Variants in INPP5B observed in about 807,000 individuals in gnomAD.
INPP5B encodes inositol polyphosphate-5-phosphatase B, also known as type II inositol 1,4,5-trisphosphate 5-phosphatase.
Under a neutral mutation model 118.5 loss-of-function variants are expected in INPP5B, and 90 were observed. The observed-to-expected ratio is 0.76, with a 90% confidence interval of 0.64 to 0.90. INPP5B has a LOEUF of 0.90. INPP5B is among the 40% of genes least tolerant of loss of function. INPP5B has a pLI of 0.00. For synonymous variants in INPP5B, 385 were observed against 418.9 expected (o/e 0.92, Z 0.99); for missense variants, 984 against 1,125.6 (o/e 0.87, Z 1.80).
Position 37,873,278 on chromosome 1 carries a change from G to T in INPP5B, c.1952-113C>A, listed in dbSNP as rs1046495212. On this transcript the variant is annotated intron_variant, in intron 18 of 23. Transcript: ENST00000373024. ...AAGGGTTAGGAAAAGGAAAGAAAAG[G>T]TATCAGCCAACCAACAAGCATCCAA... 15 of 734,710 alleles carry T rather than the reference G, an allele frequency of 2.0e-5. No homozygotes were observed. In the South Asian group the frequency reaches 2.3e-4, roughly 12 times the overall value. The allele number at this position is 734,710 out of a possible 1,614,324, so 45.5% of individuals were successfully genotyped here.
At chr1:37,883,026 G>A in intron 13 of INPP5B, 108 bp from the exon 14 acceptor site, 1 of 1,482,916 alleles carries the variant, frequency 6.7e-7, no homozygotes, top group East Asian at 2.4e-5. Flanking sequence ...TGGGAGGTGG[G>A]TGGGAAAATG....
intron 6 of INPP5B, among the ~76,000 whole-genome samples, chr1:37,934,127 T>C (rs1645599024): frequency 6.6e-6 from 1 of 151,672 alleles, no homozygotes; most frequent in African/African-American, 2.4e-5. Flanking sequence ...AGAGGCGAGG[T>C]TTCACCATAT....
chr1:37,889,215 C>A (rs1643703854), intron 9 of INPP5B, among the ~76,000 whole-genome samples: 2 of 152,124 alleles, frequency 1.3e-5, no homozygotes, highest in South Asian at 2.1e-4. Context: ...CCAGCCTGGG[C>A]AACAAAGCGA....
intron 20 of INPP5B, among the ~76,000 whole-genome samples, chr1:37,868,281 C>A (rs1642172880): frequency 6.7e-6 from 1 of 149,438 alleles, no homozygotes; most frequent in Admixed American, 6.7e-5. Flanking sequence ...CCATTGCACT[C>A]CAGCCTGGGC....
chr1:37,933,161 C>A (rs1454509586), intron 6 of INPP5B, among the ~76,000 whole-genome samples: 1 of 152,194 alleles, frequency 6.6e-6, no homozygotes, highest in Non-Finnish European at 1.5e-5. Context: ...TACTATTAAC[C>A]CATACTTGGC....
intron 7 of INPP5B, among the ~76,000 whole-genome samples, chr1:37,894,544 CTA>C (rs916200314): frequency 2.7e-5 from 4 of 150,386 alleles, no homozygotes; most frequent in Non-Finnish European, 5.9e-5. Context: ...CCCCATGCGT[CTA>C]TGTTTTTCTT....
intron 19 of INPP5B, 54 bp downstream of exon 19, chr1:37,872,876 G>T: frequency 1.5e-6 from 2 of 1,361,560 alleles, no homozygotes; most frequent in South Asian, 1.2e-5. Context: ...TATCTTGTTT[G>T]ACTGGCTTGT....
At chr1:37,936,665 A>G (rs1208317955) in intron 6 of INPP5B, among the ~76,000 whole-genome samples, 1 of 151,778 alleles carries the variant, frequency 6.6e-6, no homozygotes, top group Non-Finnish European at 1.5e-5. Flanking sequence ...AGAGGGTGCC[A>G]TGAGCTAAGG....
intron 7 of INPP5B, chr1:37,929,413 CA>C (rs965391688): frequency 6.6e-6 from 1 of 152,132 alleles, no homozygotes; most frequent in African/African-American, 2.4e-5. Flanking sequence ...TCATCGTGCC[CA>C]GCCAGAAACA....
intron 7 of INPP5B, among the ~76,000 whole-genome samples, chr1:37,927,846 T>C (rs1010110511): frequency 9.9e-5 from 15 of 152,192 alleles, no homozygotes; most frequent in Admixed American, 9.8e-4. Context: ...CTCATTTTTC[T>C]ACTATAATCT....
In INPP5B at chr1:37,907,126, C is replaced by A. The variant is rs11485999; in HGVS notation, c.533-15672G>T. ...CAACAGTTGCCCAGTTCATGAAAAG[C>A]CTTCTAATTTAGTTTATTTGGAATA... On this transcript the variant is annotated intron_variant, in intron 7 of 23. Transcript: ENST00000373024. This position sits in a 1 kb window ranked among gnomAD's most constrained non-coding sequence, Gnocchi z 4.3. Among the ~76,000 whole-genome samples the A allele has an allele frequency of 0.32, 49,204 of 152,054 alleles. 8,985 individuals carry two copies. The highest frequency in any genetic ancestry group is 0.41 in the Non-Finnish European group (27,960 of 67,972).
At chr1:37,941,824 G>A (rs1186149707) in intron 5 of INPP5B, among the ~76,000 whole-genome samples, 1 of 136,762 alleles carries the variant, frequency 7.3e-6, no homozygotes, top group Non-Finnish European at 1.6e-5. Flanking sequence ...TGTAGTCCCA[G>A]CTACTCGGGA....
intron 23 of INPP5B, among the ~76,000 whole-genome samples, chr1:37,863,011 C>T (rs1475443322): frequency 1.3e-5 from 2 of 152,170 alleles, no homozygotes; most frequent in African/African-American, 4.8e-5. Context: ...CTCCCCCAAC[C>T]ACCCCGTGTC....
At chr1:37,864,562 A>C (rs1033226482) in intron 22 of INPP5B, 139 bp from the exon 23 acceptor site, 19 of 556,094 alleles carry the variant, frequency 3.4e-5, no homozygotes. Context: ...ACCACTTGGC[A>C]TAAGTATCAA....
chr1:37,931,729 T>C, intron 7 of INPP5B, 184 bp downstream of exon 7: 1 of 1,570,886 alleles, frequency 6.4e-7, no homozygotes, highest in Non-Finnish European at 8.6e-7. Context: ...GCCTGCTTCC[T>C]CAAGCTCCTC....
At chr1:37,863,697 ACACACACACATG>A (rs1641846963) in intron 23 of INPP5B, among the ~76,000 whole-genome samples, 1 of 151,648 alleles carries the variant, frequency 6.6e-6, no homozygotes, top group Admixed American at 6.6e-5. Context: ...AAGCACACAC[ACACACACACATG>A]CACACACAAA....
At chr1:37,885,597 G>A in intron 13 of INPP5B, 41 bp downstream of exon 13, 4 of 1,571,158 alleles carry the variant, frequency 2.5e-6, no homozygotes, top group Non-Finnish European at 3.5e-6. Flanking sequence ...ACAACTCTAT[G>A]TACTCATGGT....
chr1:37,885,627 C>G lies in INPP5B; in HGVS notation c.1319+11G>C. 1.9e-6 allele frequency: 3 copies of G among 1,612,372 alleles called. No homozygotes were observed. The highest frequency in any genetic ancestry group is 2.5e-6 in the Non-Finnish European group (3 of 1,179,440). The stretch of plus-strand genomic sequence containing the variant: ...CATGGTGAACCGCATGGGGTGGAAG[C>G]CCAGACTCACTCATGGTTGCTGATG... On this transcript the variant is annotated intron_variant, in intron 13 of 23. Coordinates refer to ENST00000373024, the MANE Select transcript of INPP5B (RefSeq NM_005540.3).
At chr1:37,940,493 A>G (rs183995329) in intron 6 of INPP5B, among the ~76,000 whole-genome samples, 195 bp downstream of exon 6, 64 of 152,194 alleles carry the variant, frequency 4.2e-4, no homozygotes, top group Middle Eastern at 3.4e-3. Flanking sequence ...TTAACACTCA[A>G]CTCCAGAAAC....
Sources: allele counts gnomAD v4.1 joint callset (sites outside exome capture counted in the v4.1 genomes callset), GRCh38; gene constraint gnomAD v4.1.1; non-coding constraint Gnocchi (gnomAD v3.1); transcripts MANE v1.5; gene names NCBI Gene and HGNC (gene_info 2026-07-23, HGNC 2026-07-21).